The following PAX7 variants were observed in gnomAD, a reference collection of about 807,000 sequenced individuals.
The protein encoded by PAX7 is paired box 7, also known as paired box protein Pax-7.
PAX7 carries 18 observed loss-of-function variants against 50.7 expected under a neutral mutation model. The observed-to-expected ratio is 0.36, with a 90% CI of 0.25 to 0.53. The LOEUF (loss-of-function observed/expected upper bound fraction) is 0.53. PAX7 is among the 20% of genes least tolerant of loss of function. The probability of loss-of-function intolerance (pLI) is 0.93; values close to 1 mark genes in which losing one functional copy is unlikely to be tolerated. For synonymous variants in PAX7, 310 were observed against 290.4 expected, an observed-to-expected ratio of 1.07 and a Z score of -0.69; for missense variants, 644 against 702.9, an observed-to-expected ratio of 0.92 and a Z score of 0.95.
Position 18,745,119 on chromosome 1 carries a change from T to C in PAX7, c.*190T>C, listed in dbSNP as rs1303169354. ...CTCACCTGTGGTTAGGGATCCAGAG[T>C]GATGCCCTTGGAGTCTGCTCCCCAC... is the stretch of plus-strand genomic sequence containing the variant. On this transcript the variant is annotated 3_prime_UTR_variant, in exon 9 of 9. Coordinates refer to ENST00000420770, the MANE Select transcript of PAX7 (RefSeq NM_001135254.2). 2 of 592,580 alleles carry C rather than the reference T, an allele frequency of 3.4e-6. No individual in the cohort carries two copies. Among genetic ancestry groups the C allele is most frequent in the East Asian group, 5.6e-5 (2 of 35,850 alleles). The allele number at this position is 592,580 out of a possible 1,614,324, so 36.7% of individuals were successfully genotyped here. A position where few individuals can be genotyped will look rare whatever the true frequency, so the allele number is the denominator to read the frequency against.
chr1:18,660,169 A>G (rs1456832328), intron 4 of PAX7, among the ~76,000 whole-genome samples: 1 of 152,040 alleles, frequency 6.6e-6, no homozygotes, highest in Non-Finnish European at 1.5e-5. Context: ...TGGGCCTCCC[A>G]TTTGGAGCTT....
Position 18,745,349 on chromosome 1 carries a change from C to T in PAX7, c.*420C>T, listed in dbSNP as rs893387468. ...TAGCTAGAAGTGGAGGTGAAGCTTT[C>T]AGGGCTGCTCTCAGCTGGATGTACT... On this transcript the variant is annotated 3_prime_UTR_variant, in exon 9 of 9. Transcript: ENST00000420770. 3.8e-6 allele frequency: 1 copy of T among 263,178 alleles called. No individual in the cohort carries two copies. The highest frequency in any genetic ancestry group is 7.4e-6 in the Non-Finnish European group (1 of 135,614). 16.3% of individuals were successfully genotyped at this position (263,178 alleles called of 1,614,324 possible).
In PAX7 at chr1:18,632,245, A is replaced by C. The variant is rs541911555; in HGVS notation, c.85+557A>C. 6.6e-6 allele frequency among the ~76,000 whole-genome samples: 1 copy of C among 152,370 alleles called. No individual in the cohort carries two copies. Among genetic ancestry groups the C allele is most frequent in the Admixed American group, 6.5e-5 (1 of 15,312 alleles). ...CCTGGAAACAAACTAATTGGAAATA[A>C]TAATTAGTAATGATTTTCCCCCTAA... On this transcript the variant is annotated intron_variant, in intron 1 of 8. Transcript: ENST00000420770. This position sits in a 1 kb window ranked among gnomAD's most constrained non-coding sequence, Gnocchi z 6.3.
At position 18,735,483 on chromosome 1, in the gene PAX7, A is replaced by T; in HGVS notation, c.1156-149A>T. ...TCCCATGCATGAGGGCACGCAAATC[A>T]GGTAAACTGAGGACCTCGAAGCTAC... On this transcript the variant is annotated intron_variant, in intron 7 of 8. Transcript: ENST00000420770. The surrounding 1 kb of genome is among the most constrained non-coding windows in gnomAD (Gnocchi z 4.0). 2.9e-6 allele frequency: 4 copies of T among 1,401,102 alleles called. No homozygotes were observed. The highest frequency in any genetic ancestry group is 3.8e-6 in the Non-Finnish European group (4 of 1,052,070). 86.8% of individuals were successfully genotyped at this position (1,401,102 alleles called of 1,614,324 possible). A position where few individuals can be genotyped will look rare whatever the true frequency, so the allele number is the denominator to read the frequency against.
chr1:18,693,870 G>T (rs928620784), intron 5 of PAX7, among the ~76,000 whole-genome samples: 1 of 152,248 alleles, frequency 6.6e-6, no homozygotes, highest in Non-Finnish European at 1.5e-5. Flanking sequence ...TCAGAGCAGT[G>T]CTTTTATTGG....
At position 18,732,979 on chromosome 1, in the gene PAX7, A is replaced by G. The variant is rs9439732; in HGVS notation, c.1156-2653A>G. On this transcript the variant is annotated intron_variant, in intron 7 of 8. Transcript: ENST00000420770. The stretch of plus-strand genomic sequence containing the variant: ...TCTGAAAGAAGTGATCTGGAGCCTG[A>G]GTGTTTTTTCTGAGCCTCTAAGTCT... 2.6e-5 allele frequency among the ~76,000 whole-genome samples: 4 copies of G among 151,554 alleles called. No individual in the cohort carries two copies. The South Asian group carries it at 6.2e-4, about 24-fold the overall frequency.
intron 7 of PAX7, among the ~76,000 whole-genome samples, chr1:18,716,990 C>G (rs1420467671): frequency 6.9e-6 from 1 of 145,692 alleles, no homozygotes; most frequent in Non-Finnish European, 1.5e-5. Context: ...GCGGCCGGAG[C>G]GGGGATCGGG....
chr1:18,672,723 A>G (rs905471250), intron 4 of PAX7, among the ~76,000 whole-genome samples: 1 of 150,746 alleles, frequency 6.6e-6, no homozygotes, highest in African/African-American at 2.4e-5. Flanking sequence ...CTCCTGCCTC[A>G]GCCTCCCGAG....
chr1:18,638,102 A>G (rs2088191805), intron 4 of PAX7, among the ~76,000 whole-genome samples: 1 of 152,232 alleles, frequency 6.6e-6, no homozygotes. Context: ...TGCACAACAA[A>G]CAACTCTTCT....
At chr1:18,682,952 C>T (rs972987957) in intron 4 of PAX7, among the ~76,000 whole-genome samples, 1 of 152,228 alleles carries the variant, frequency 6.6e-6, no homozygotes, top group Non-Finnish European at 1.5e-5. Context: ...AGCTGCCCAG[C>T]TGCCTGGGTG....
In PAX7 at chr1:18,748,368, C is replaced by T. The variant is rs951285547; in HGVS notation, c.*3439C>T. The T allele has an allele frequency of 8.7e-6, 2 of 230,244 alleles. No homozygotes were observed. Among genetic ancestry groups the T allele is most frequent in the South Asian group, 1.8e-4 (1 of 5,508 alleles). The allele number at this position is 230,244 out of a possible 1,614,324, so 14.3% of individuals were successfully genotyped here. On this transcript the variant is annotated 3_prime_UTR_variant, in exon 9 of 9. Coordinates refer to ENST00000420770, the MANE Select transcript of PAX7 (RefSeq NM_001135254.2). ...GGCTGATGTTCTTCTCATCAAGCTC[C>T]CGAATGTGTCTCGCACTATTGGACA...
In PAX7 at chr1:18,631,424, C is replaced by A. The variant is rs1038621399; in HGVS notation, c.-180C>A. 28 of 601,040 alleles carry A rather than the reference C, an allele frequency of 4.7e-5. No individual in the cohort carries two copies. The highest frequency in any genetic ancestry group is 7.5e-5 in the Non-Finnish European group (25 of 334,348). The allele number at this position is 601,040 out of a possible 1,614,324, so 37.2% of individuals were successfully genotyped here. A position where few individuals can be genotyped will look rare whatever the true frequency, so the allele number is the denominator to read the frequency against. On this transcript the variant is annotated 5_prime_UTR_variant, in exon 1 of 9. Coordinates refer to ENST00000420770, the MANE Select transcript of PAX7 (RefSeq NM_001135254.2). Reference sequence around the variant, plus strand: ...CTCACCCCCCTCCCCAGCTTCTGGACGCGTTTGACTGCAGCCAGGGGTGGG... The same window carrying A: ...CTCACCCCCCTCCCCAGCTTCTGGAAGCGTTTGACTGCAGCCAGGGGTGGG...
intron 7 of PAX7, among the ~76,000 whole-genome samples, chr1:18,731,319 C>G (rs1004659725): frequency 6.6e-6 from 1 of 152,196 alleles, no homozygotes; most frequent in East Asian, 1.9e-4. Flanking sequence ...CATTTAGGCC[C>G]ATAGGGCTCT....
intron 4 of PAX7, among the ~76,000 whole-genome samples, chr1:18,659,626 G>C (rs1180899006): frequency 6.6e-6 from 1 of 152,178 alleles, no homozygotes; most frequent in Admixed American, 6.5e-5. Flanking sequence ...GAAAGGAAAG[G>C]ACCTTAGGCA....
chr1:18,674,964 G>GGT (rs2088804345), intron 4 of PAX7, among the ~76,000 whole-genome samples: 1 of 152,178 alleles, frequency 6.6e-6, no homozygotes, highest in Admixed American at 6.5e-5. Context: ...TTCTGATGCT[G>GGT]CTAACACTTG....
intron 4 of PAX7, among the ~76,000 whole-genome samples, chr1:18,676,800 C>T (rs1455138927): frequency 1.3e-5 from 2 of 152,202 alleles, no homozygotes; most frequent in African/African-American, 4.8e-5. Context: ...TGAGAGCCAG[C>T]CCCGCTGTAT....
intron 4 of PAX7, among the ~76,000 whole-genome samples, chr1:18,673,462 T>G (rs1370822380): frequency 6.6e-6 from 1 of 152,206 alleles, no homozygotes; most frequent in African/African-American, 2.4e-5. Flanking sequence ...GTTTTCAGAT[T>G]GTACCACCCC....
At chr1:18,682,361 C>T (rs2088912783) in intron 4 of PAX7, among the ~76,000 whole-genome samples, 2 of 152,258 alleles carry the variant, frequency 1.3e-5, no homozygotes, top group East Asian at 1.9e-4. Context: ...GGTTAGGGGC[C>T]GGTGGGACCC....
At chr1:18,665,721 A>T in intron 4 of PAX7, among the ~76,000 whole-genome samples, 1 of 133,108 alleles carries the variant, frequency 7.5e-6, no homozygotes, top group Middle Eastern at 4.3e-3. Flanking sequence ...CCCAGGCTGG[A>T]GTACATGGCA....
Sources: allele counts gnomAD v4.1 joint callset (sites outside exome capture counted in the v4.1 genomes callset), GRCh38; gene constraint gnomAD v4.1.1; non-coding constraint Gnocchi (gnomAD v3.1); transcripts MANE v1.5; gene names NCBI Gene and HGNC (gene_info 2026-07-23, HGNC 2026-07-21).